Variants in CLYBL observed in about 807,000 individuals in gnomAD.
CLYBL encodes citramalyl-CoA lyase, mitochondrial.
In CLYBL, 31 loss-of-function variants were observed where a neutral mutation model predicts 38.9. That is an observed-to-expected ratio of 0.80 (90% confidence interval 0.60 to 1.08). The LOEUF (loss-of-function observed/expected upper bound fraction) is 1.08. CLYBL is among the 50% of genes least tolerant of loss of function. The pLI is 0.00. For missense variants in CLYBL, 434 were observed against 411.6 expected (o/e 1.05, Z -0.47); for synonymous variants, 171 against 158.6 (o/e 1.08, Z -0.59).
chr13:99,822,649 T>G (rs1418103098), intron 2 of CLYBL, among the ~76,000 whole-genome samples: 1 of 152,202 alleles, frequency 6.6e-6, no homozygotes, highest in African/African-American at 2.4e-5. Context: ...AGATGAAAAT[T>G]AAGATACAAT....
At chr13:99,711,126 C>T (rs2048224577) in intron 1 of CLYBL, among the ~76,000 whole-genome samples, 1 of 152,108 alleles carries the variant, frequency 6.6e-6, no homozygotes, top group African/African-American at 2.4e-5. Context: ...GATCTGACTG[C>T]CTTGGCCTCC....
intron 1 of CLYBL, among the ~76,000 whole-genome samples, chr13:99,742,477 C>G (rs1332189138): frequency 1.3e-5 from 2 of 152,194 alleles, no homozygotes; most frequent in African/African-American, 4.8e-5. Flanking sequence ...CAGCCTCTGT[C>G]AATGATGGCT....
chr13:99,876,726 G>A (rs2052052615), intron 7 of CLYBL, among the ~76,000 whole-genome samples: 1 of 152,074 alleles, frequency 6.6e-6, no homozygotes, highest in African/African-American at 2.4e-5. Flanking sequence ...GGTGGAGAGA[G>A]GGCTGCGAGC....
At chr13:99,793,124 C>A (rs2049954067) in intron 2 of CLYBL, among the ~76,000 whole-genome samples, 1 of 151,898 alleles carries the variant, frequency 6.6e-6, no homozygotes, top group South Asian at 2.1e-4. Flanking sequence ...CGTACACATA[C>A]ACGAATCCAT....
At chr13:99,909,431 C>T (rs897299011) in exon 10 of CLYBL, among the ~76,000 whole-genome samples, 2 of 152,204 alleles carry the variant, frequency 1.3e-5, no homozygotes, top group African/African-American at 4.8e-5. Context: ...TAAATATTTC[C>T]TGTGTCCTCT....
Position 99,686,512 on chromosome 13 carries a change from CAGAG to C in CLYBL, c.62+79777_62+79780del, listed in dbSNP as rs34750084. On this transcript the variant is annotated intron_variant, in intron 1 of 8. Transcript: ENST00000339105. ...TCAGACATAAAAGTATTTGTTTCAA[CAGAG>C]AGAGAGAGAGAGAGAGAGAGACTCA... Among the ~76,000 whole-genome samples the C allele has an allele frequency of 3.4e-3, 504 of 148,202 alleles. 1 individual carries two copies. The highest frequency in any genetic ancestry group is 4.8e-3 in the Admixed American group (72 of 14,888).
intron 1 of CLYBL, among the ~76,000 whole-genome samples, chr13:99,650,658 G>A (rs994805390): frequency 6.6e-6 from 1 of 152,094 alleles, no homozygotes; most frequent in Non-Finnish European, 1.5e-5. Context: ...ACCTTTCCTC[G>A]TCCTGTAGCT....
At chr13:99,695,150 G>A (rs867848086) in intron 1 of CLYBL, among the ~76,000 whole-genome samples, 4 of 152,102 alleles carry the variant, frequency 2.6e-5, no homozygotes, top group East Asian at 1.9e-4. Flanking sequence ...TCCTGCTACC[G>A]TTTCAAAGAA....
intron 1 of CLYBL, among the ~76,000 whole-genome samples, chr13:99,770,076 C>CTTTTTT (rs68172402): frequency 1.6e-5 from 2 of 121,962 alleles, no homozygotes; most frequent in Non-Finnish European, 1.9e-5. Context: ...TTTTTCTTTT[C>CTTTTTT]TTTCTTTTTT....
chr13:99,619,544 A>G (rs886891501), intron 1 of CLYBL, among the ~76,000 whole-genome samples: 1 of 152,252 alleles, frequency 6.6e-6, no homozygotes, highest in Non-Finnish European at 1.5e-5. Context: ...CCTAAAAATC[A>G]GAATTGTTTT....
chr13:99,697,942 C>T lies in CLYBL; in HGVS notation c.63-74882C>T, dbSNP rs114501577. Reference sequence around the variant, plus strand: ...GGATTTCAGGCGTGAGCCACCCCACCGGGCCTCCCAACAGGCTTTTAAAGC... The same window carrying T: ...GGATTTCAGGCGTGAGCCACCCCACTGGGCCTCCCAACAGGCTTTTAAAGC... On this transcript the variant is annotated intron_variant, in intron 1 of 8. Coordinates refer to ENST00000339105, the MANE Select transcript of CLYBL (RefSeq NM_206808.5). Among the ~76,000 whole-genome samples, 404 of 152,280 alleles carry T rather than the reference C, an allele frequency of 2.7e-3. 2 individuals carry two copies. Among genetic ancestry groups the T allele is most frequent in the African/African-American group, 9.3e-3 (386 of 41,544 alleles).
rs1235997913 is a variant in CLYBL, at chr13:99,886,303, C to G, written c.928-5015C>G. 5.3e-5 allele frequency among the ~76,000 whole-genome samples: 8 copies of G among 152,194 alleles called. No individual in the cohort carries two copies. In the East Asian group the frequency reaches 1.5e-3, roughly 29 times the overall value. On this transcript the variant is annotated intron_variant, in intron 7 of 8. Transcript: ENST00000339105. Reference sequence around the variant, plus strand: ...GGAGAAAAAAGTCAAGTACTAAGTACCAGAAATGCAAAATATATGACAATT... The same window carrying G: ...GGAGAAAAAAGTCAAGTACTAAGTAGCAGAAATGCAAAATATATGACAATT...
chr13:99,806,348 T>A (rs941381074), intron 2 of CLYBL, among the ~76,000 whole-genome samples: 1 of 152,232 alleles, frequency 6.6e-6, no homozygotes, highest in Non-Finnish European at 1.5e-5. Context: ...TAAGTATACT[T>A]AATTGTTGCC....
intron 2 of CLYBL, among the ~76,000 whole-genome samples, chr13:99,781,775 G>A (rs541318280): frequency 3.9e-5 from 6 of 152,154 alleles, no homozygotes; most frequent in Non-Finnish European, 7.3e-5. Context: ...ACCATGGCTG[G>A]CCAGTTTGTT....
At chr13:99,838,031 G>T (rs1348971721) in intron 2 of CLYBL, among the ~76,000 whole-genome samples, 1 of 152,072 alleles carries the variant, frequency 6.6e-6, no homozygotes, top group Non-Finnish European at 1.5e-5. Context: ...TTTTATATCT[G>T]TGAATGCTTC....
intron 1 of CLYBL, among the ~76,000 whole-genome samples, chr13:99,653,748 G>A (rs1055925910): frequency 4.6e-5 from 7 of 151,844 alleles, no homozygotes; most frequent in Non-Finnish European, 1.0e-4. Context: ...CTCCCAGGAC[G>A]CTGACAGTGT....
chr13:99,768,494 C>CTTT (rs779750350), intron 1 of CLYBL, among the ~76,000 whole-genome samples: 67 of 84,824 alleles, frequency 7.9e-4, no homozygotes, highest in African/African-American at 1.6e-3. Flanking sequence ...CGCCCGACCT[C>CTTT]TTTTTTTTTT....
chr13:99,779,173 G>A lies in CLYBL; in HGVS notation c.249+6163G>A, dbSNP rs903507372. Among the ~76,000 whole-genome samples, 11 of 152,136 alleles carry A rather than the reference G, an allele frequency of 7.2e-5. No homozygotes were observed. In the South Asian group the frequency reaches 1.5e-3, roughly 20 times the overall value. On this transcript the variant is annotated intron_variant, in intron 2 of 8. Coordinates refer to ENST00000339105, the MANE Select transcript of CLYBL (RefSeq NM_206808.5). ...TTTTGTTTTTTTGAGAAGGAGTCTC[G>A]CTGTTGTCGCCCGGGCTGGAGTGCA...
rs902432915 is a variant in CLYBL at position 99,606,707 on chromosome 13, T to A, written c.12T>A (p.Arg4=). The change falls in exon 1 of 9, where the codon CGT becomes CGA. Residue 4 remains arginine, a synonymous_variant. Transcript: ENST00000339105. MAL[R]LLRRAARGAA... ...CGCGCGTCGGGAAGATGGCGCTACGTCTGCTGCGGAGGGCGGCGCGCGGAG... is the reference window on the plus strand; with the variant it reads ...CGCGCGTCGGGAAGATGGCGCTACGACTGCTGCGGAGGGCGGCGCGCGGAG... 11 of 1,493,014 alleles carry A rather than the reference T, an allele frequency of 7.4e-6. No homozygotes were observed. Among genetic ancestry groups the A allele is most frequent in the Admixed American group, 2.2e-5 (1 of 46,050 alleles). The allele number at this position is 1,493,014 out of a possible 1,614,324, so 92.5% of individuals were successfully genotyped here.
Sources: allele counts gnomAD v4.1 joint callset (sites outside exome capture counted in the v4.1 genomes callset), GRCh38; gene constraint gnomAD v4.1.1; transcripts MANE v1.5; gene names NCBI Gene and HGNC (gene_info 2026-07-23, HGNC 2026-07-21).